Variants in CD38 observed in about 807,000 individuals in gnomAD.
CD38 encodes the protein CD38 molecule.
A neutral mutation model predicts 36.3 loss-of-function variants in CD38; 31 were observed. The ratio of observed to expected loss-of-function variants is 0.85; its 90% CI spans 0.64 to 1.15. The LOEUF is 1.15. Ranked by LOEUF, CD38 falls within the 50% of genes most tolerant of loss-of-function variation. The pLI is 0.00. For synonymous variants in CD38, 131 were observed against 135.2 expected, an observed-to-expected ratio of 0.97 and a Z score of 0.22; for missense variants, 380 against 371.9, an observed-to-expected ratio of 1.02 and a Z score of -0.18.
intron 1 of CD38, among the ~76,000 whole-genome samples, chr4:15,793,820 G>A (rs1309514330): frequency 6.6e-6 from 1 of 152,178 alleles, no homozygotes; most frequent in Admixed American, 6.5e-5. Flanking sequence ...GATTTGCCAT[G>A]GGCTAATATA....
intron 4 of CD38, among the ~76,000 whole-genome samples, chr4:15,837,868 C>T (rs545668047): frequency 1.3e-5 from 2 of 152,330 alleles, no homozygotes; most frequent in East Asian, 1.9e-4. Context: ...TAACACTGAA[C>T]ATTGTTCACT....
intron 1 of CD38, among the ~76,000 whole-genome samples, chr4:15,791,656 C>A (rs1226458870): frequency 1.0e-5 from 1 of 100,096 alleles, no homozygotes; most frequent in Non-Finnish European, 1.9e-5. Context: ...CGGCCAGCCG[C>A]CCCGTCCGGG....
intron 1 of CD38, 30 bp from the exon 2 acceptor site, chr4:15,816,481 T>A (rs1723597161): frequency 6.5e-7 from 1 of 1,536,548 alleles, no homozygotes; most frequent in East Asian, 2.3e-5. Context: ...ATCAAATAAT[T>A]TATGTTTTAT....
At chr4:15,828,834 A>G (rs773616346) in intron 3 of CD38, among the ~76,000 whole-genome samples, 1 of 152,216 alleles carries the variant, frequency 6.6e-6, no homozygotes, top group Non-Finnish European at 1.5e-5. Context: ...GTAAATACCT[A>G]GAAGTGGGAT....
chr4:15,813,204 A>G (rs745920248), intron 1 of CD38, among the ~76,000 whole-genome samples: 1 of 152,206 alleles, frequency 6.6e-6, no homozygotes, highest in Non-Finnish European at 1.5e-5. Flanking sequence ...ACTTGATTTT[A>G]AGGGGGAGCA....
intron 2 of CD38, among the ~76,000 whole-genome samples, chr4:15,822,144 C>G (rs1723751443): frequency 6.6e-6 from 1 of 152,094 alleles, no homozygotes; most frequent in Non-Finnish European, 1.5e-5. Flanking sequence ...ATTCACCATC[C>G]CTTCACGTTA....
At chr4:15,793,924 A>C (rs1723059036) in intron 1 of CD38, among the ~76,000 whole-genome samples, 1 of 152,246 alleles carries the variant, frequency 6.6e-6, no homozygotes, top group Admixed American at 6.5e-5. Flanking sequence ...AGAAAGAGAA[A>C]GACTGTGGTA....
At chr4:15,825,688 T>C (rs1336841187) in intron 3 of CD38, 1 of 152,272 alleles carries the variant, frequency 6.6e-6, no homozygotes, top group Non-Finnish European at 1.5e-5. Context: ...TCACATAGCC[T>C]GCTTCCGAAT....
At chr4:15,806,604 A>G (rs1723346547) in intron 1 of CD38, among the ~76,000 whole-genome samples, 1 of 152,138 alleles carries the variant, frequency 6.6e-6, no homozygotes, top group Admixed American at 6.6e-5. Flanking sequence ...CCTCCCTCTG[A>G]GCACCTGGAG....
chr4:15,800,829 C>G (rs979003839), intron 1 of CD38, among the ~76,000 whole-genome samples: 2 of 151,914 alleles, frequency 1.3e-5, no homozygotes, highest in Admixed American at 6.6e-5. Context: ...TAATGATTGC[C>G]TACGTCAAAA....
chr4:15,847,075 G>A (rs1724269220), intron 7 of CD38, among the ~76,000 whole-genome samples: 1 of 20,694 alleles, frequency 4.8e-5, no homozygotes, highest in Non-Finnish European at 7.2e-5. Context: ...AACCAAATGA[G>A]TATAAATCAT....
chr4:15,835,959 AGT>A (rs1347660940), intron 4 of CD38, among the ~76,000 whole-genome samples: 1 of 152,184 alleles, frequency 6.6e-6, no homozygotes, highest in Non-Finnish European at 1.5e-5. Flanking sequence ...TTTCTTTTCA[AGT>A]GTGTTAGGGA....
chr4:15,842,363 G>A (rs1196709221), intron 7 of CD38, among the ~76,000 whole-genome samples: 1 of 118,336 alleles, frequency 8.5e-6, no homozygotes, highest in South Asian at 3.0e-4. Flanking sequence ...TCTGTTAGAA[G>A]GAAAACTAAC....
intron 1 of CD38, among the ~76,000 whole-genome samples, chr4:15,802,035 C>T (rs1490554186): frequency 5.9e-5 from 9 of 151,974 alleles, no homozygotes; most frequent in African/African-American, 2.2e-4. Flanking sequence ...ATCCTCTTAC[C>T]TACAGAAAAA....
At chr4:15,796,776 T>C (rs1206529095) in intron 1 of CD38, among the ~76,000 whole-genome samples, 1 of 152,204 alleles carries the variant, frequency 6.6e-6, no homozygotes. Context: ...TCTTAGTTTT[T>C]TTCATTCTAC....
chr4:15,788,133 A>G (rs187976438), intron 1 of CD38, among the ~76,000 whole-genome samples: 1 of 152,116 alleles, frequency 6.6e-6, no homozygotes, highest in African/African-American at 2.4e-5. Context: ...ATTTGATCTC[A>G]CCTTAACAAT....
intron 2 of CD38, among the ~76,000 whole-genome samples, chr4:15,823,936 A>T (rs1373156184): frequency 2.0e-5 from 3 of 152,200 alleles, no homozygotes; most frequent in Non-Finnish European, 4.4e-5. Context: ...GATAAAGAAA[A>T]TGTGGTACGT....
At chr4:15,829,136 A>G (rs964075433) in intron 3 of CD38, among the ~76,000 whole-genome samples, 2 of 152,038 alleles carry the variant, frequency 1.3e-5, no homozygotes, top group African/African-American at 4.8e-5. Context: ...ATGTCTATTC[A>G]GGTCCTTTGC....
intron 1 of CD38, among the ~76,000 whole-genome samples, chr4:15,790,996 GA>G (rs1417209149): frequency 6.8e-6 from 1 of 147,526 alleles, no homozygotes; most frequent in African/African-American, 2.5e-5. Context: ...CCCCGTCTGG[GA>G]AGTGAGGAGC....
Sources: gnomAD v4.1 joint callset for allele counts (sites outside exome capture counted in the v4.1 genomes callset) on GRCh38, gnomAD v4.1.1 for gene constraint, MANE v1.5 for transcripts, NCBI Gene and HGNC (gene_info 2026-07-23, HGNC 2026-07-21) for gene names.